CDH8: variants seen among roughly 807,000 people sequenced by gnomAD.
CDH8 encodes the protein cadherin-8.
Under a neutral mutation model 68.1 loss-of-function variants are expected in CDH8, and 17 were observed. The observed-to-expected ratio is 0.25, with a 90% CI of 0.17 to 0.37. The LOEUF (loss-of-function observed/expected upper bound fraction) is 0.37. CDH8 is among the 10% of genes least tolerant of loss of function. The probability of loss-of-function intolerance (pLI) is 1.00; values close to 1 mark genes in which losing one functional copy is unlikely to be tolerated. For synonymous variants in CDH8, 372 were observed against 365.1 expected (o/e 1.02, Z -0.21); for missense variants, 763 against 999.3 (o/e 0.76, Z 3.19).
chr16:61,675,885 ATATT>A (rs1963898171), intron 10 of CDH8, among the ~76,000 whole-genome samples: 1 of 151,228 alleles, frequency 6.6e-6, no homozygotes, highest in African/African-American at 2.4e-5. Context: ...ACTAATGACA[ATATT>A]AATAATAATA....
chr16:61,741,170 T>C (rs1381317699), intron 8 of CDH8, among the ~76,000 whole-genome samples: 1 of 152,136 alleles, frequency 6.6e-6, no homozygotes, highest in Non-Finnish European at 1.5e-5. Flanking sequence ...GGCCTTTTCT[T>C]ATGTTTACTG....
At chr16:61,722,653 TTGAAG>T (rs1026106339) in intron 9 of CDH8, among the ~76,000 whole-genome samples, 1 of 150,774 alleles carries the variant, frequency 6.6e-6, no homozygotes, top group African/African-American at 2.4e-5. Flanking sequence ...AAATTACTTT[TTGAAG>T]TATCTGTCAT....
chr16:61,835,834 T>C (rs1962557673), intron 4 of CDH8, among the ~76,000 whole-genome samples: 1 of 151,932 alleles, frequency 6.6e-6, no homozygotes, highest in Non-Finnish European at 1.5e-5. Flanking sequence ...AATTCAGAAC[T>C]TAAGCAGAAG....
intron 2 of CDH8, among the ~76,000 whole-genome samples, chr16:61,982,440 C>G (rs1444637013): frequency 6.6e-6 from 1 of 152,034 alleles, no homozygotes; most frequent in Non-Finnish European, 1.5e-5. Flanking sequence ...GGGATGGTCT[C>G]CATCTCCTGA....
chr16:61,735,063 C>T (rs1959637928), intron 8 of CDH8, among the ~76,000 whole-genome samples: 1 of 152,060 alleles, frequency 6.6e-6, no homozygotes, highest in East Asian at 1.9e-4. Flanking sequence ...CCTCCATCTT[C>T]ACATGGCTTT....
chr16:61,668,381 C>G (rs115106958), intron 10 of CDH8, among the ~76,000 whole-genome samples: 1 of 151,788 alleles, frequency 6.6e-6, no homozygotes, highest in Non-Finnish European at 1.5e-5. Context: ...AAATGCTCCA[C>G]GCACCTTTTG....
intron 9 of CDH8, among the ~76,000 whole-genome samples, chr16:61,724,737 T>C (rs2142888508): frequency 6.6e-6 from 1 of 151,012 alleles, no homozygotes; most frequent in South Asian, 2.1e-4. Flanking sequence ...GAGCATGTGA[T>C]CATCTGCTAA....
At chr16:61,904,172 A>G in intron 2 of CDH8, among the ~76,000 whole-genome samples, 1 of 152,194 alleles carries the variant, frequency 6.6e-6, no homozygotes, top group South Asian at 2.1e-4. Context: ...ACTTGATAAT[A>G]TAAGAAAAGA....
rs547391822 is a variant in CDH8 at position 61,694,709 on chromosome 16, G to T, written c.1654+19132C>A. On this transcript the variant is annotated intron_variant, in intron 10 of 11. Transcript: ENST00000577390. ...GTGTCTCTGTGTTCTATAATAATTA[G>T]GAAACATTTAAAAGTATAGCTTAAT... Among the ~76,000 whole-genome samples the T allele has an allele frequency of 2.6e-5, 4 of 152,174 alleles. No homozygotes were observed. The East Asian group carries it at 7.7e-4, about 29-fold the overall frequency.
At chr16:61,730,836 G>A (rs1257265838) in intron 8 of CDH8, among the ~76,000 whole-genome samples, 1 of 151,556 alleles carries the variant, frequency 6.6e-6, no homozygotes, top group Non-Finnish European at 1.5e-5. Flanking sequence ...CTTTCAGAAA[G>A]CCATCTTAAC....
chr16:61,782,062 A>G (rs1005398081), intron 8 of CDH8, among the ~76,000 whole-genome samples: 3 of 152,200 alleles, frequency 2.0e-5, no homozygotes, highest in African/African-American at 7.2e-5. Flanking sequence ...CAAGGCTGCT[A>G]TAAGAAACAA....
intron 10 of CDH8, among the ~76,000 whole-genome samples, chr16:61,700,528 C>T (rs900459394): frequency 1.3e-5 from 2 of 152,236 alleles, no homozygotes; most frequent in Non-Finnish European, 2.9e-5. Flanking sequence ...ATCCCCCCAC[C>T]TCGGCCTACC....
At chr16:61,839,873 AC>A in intron 4 of CDH8, among the ~76,000 whole-genome samples, 1 of 152,234 alleles carries the variant, frequency 6.6e-6, no homozygotes, top group East Asian at 1.9e-4. Flanking sequence ...TTTATCTCAT[AC>A]CATTTTGGAC....
Position 61,834,000 on chromosome 16 carries a change from C to G in CDH8, c.668-8821G>C, listed in dbSNP as rs79206934. ...ATGAAAGCCATGTCATAATTATCGC[C>G]CAGAACCTAACGCAATCCCTGGCAC... On this transcript the variant is annotated intron_variant, in intron 4 of 11. Transcript: ENST00000577390. Among the ~76,000 whole-genome samples, 201 of 151,930 alleles carry G rather than the reference C, an allele frequency of 1.3e-3. 6 individuals are homozygous for G. The East Asian group carries it at 0.022, about 16-fold the overall frequency.
intron 2 of CDH8, among the ~76,000 whole-genome samples, chr16:61,992,265 A>T (rs1567559824): frequency 1.3e-5 from 2 of 151,916 alleles, no homozygotes; most frequent in South Asian, 2.1e-4. Flanking sequence ...GCAGCCATAA[A>T]AAATGATGAG....
At chr16:61,957,743 C>A (rs925917217) in intron 2 of CDH8, among the ~76,000 whole-genome samples, 2 of 152,072 alleles carry the variant, frequency 1.3e-5, no homozygotes, top group Non-Finnish European at 2.9e-5. Context: ...ATATTTTCAA[C>A]GTGATTTTTT....
rs12922041 is a variant in CDH8 at position 61,837,923 on chromosome 16, C to G, written c.668-12744G>C. Among the ~76,000 whole-genome samples, 470 of 152,092 alleles carry G rather than the reference C, an allele frequency of 3.1e-3. 2 individuals carry two copies. The highest frequency in any genetic ancestry group is 5.6e-3 in the Non-Finnish European group (382 of 67,954). ...GATCTGTATAAACAAGAGTCTGAGT[C>G]TGACCTTCCTTGGAGGGAAGCCGGA... On this transcript the variant is annotated intron_variant, in intron 4 of 11. Coordinates refer to ENST00000577390, the MANE Select transcript of CDH8 (RefSeq NM_001796.5).
chr16:61,939,563 C>T (rs1237890308), intron 2 of CDH8, among the ~76,000 whole-genome samples: 1 of 152,124 alleles, frequency 6.6e-6, no homozygotes, highest in Non-Finnish European at 1.5e-5. Context: ...AATTTATTAG[C>T]ATTCCAATTA....
At chr16:61,807,204 C>T (rs2142998192) in intron 7 of CDH8, among the ~76,000 whole-genome samples, 1 of 151,152 alleles carries the variant, frequency 6.6e-6, no homozygotes, top group East Asian at 2.0e-4. Flanking sequence ...TCATCATTCT[C>T]AGTAAACTAT....
Sources: gnomAD v4.1 joint callset for allele counts (sites outside exome capture counted in the v4.1 genomes callset) on GRCh38, gnomAD v4.1.1 for gene constraint, MANE v1.5 for transcripts, NCBI Gene and HGNC (gene_info 2026-07-23, HGNC 2026-07-21) for gene names.